ZNF320: variants seen among roughly 807,000 people sequenced by gnomAD.
ZNF320 encodes the protein zinc finger gene 320.
Under a neutral mutation model 6.8 loss-of-function variants are expected in ZNF320, and 2 were observed. That is an observed-to-expected ratio of 0.29 (90% CI 0.12 to 0.93). The LOEUF (loss-of-function observed/expected upper bound fraction) is 0.93, where lower values mean the gene tolerates loss of function less well. ZNF320 is among the 40% of genes least tolerant of loss of function. The pLI is 0.55. For synonymous variants in ZNF320, 208 were observed against 203.2 expected, an observed-to-expected ratio of 1.02 and a Z score of -0.20; for missense variants, 472 against 611.0, an observed-to-expected ratio of 0.77 and a Z score of 2.40.
chr19:52,873,360 G>A (rs1334655683), downstream of ZNF320, among the ~76,000 whole-genome samples: 1 of 152,176 alleles, frequency 6.6e-6, no homozygotes, highest in Non-Finnish European at 1.5e-5. Context: ...ATCAAGAATG[G>A]AGAATGGCGA....
At chr19:52,873,289 C>G (rs1179925434), downstream of ZNF320, among the ~76,000 whole-genome samples, 6 of 152,224 alleles carry the variant, frequency 3.9e-5, no homozygotes, top group Admixed American at 1.3e-4. Context: ...CTGGACAATA[C>G]CCAGGCTTTC....
chr19:52,887,109 G>C (rs2064116285), intron 5 of ZNF320, among the ~76,000 whole-genome samples: 2 of 152,160 alleles, frequency 1.3e-5, no homozygotes, highest in African/African-American at 2.4e-5. Context: ...TCTCAGGATT[G>C]AAACTTTTCT....
chr19:52,882,761 C>T (rs2063961915), intron 5 of ZNF320, among the ~76,000 whole-genome samples: 1 of 152,060 alleles, frequency 6.6e-6, no homozygotes, highest in Non-Finnish European at 1.5e-5. Flanking sequence ...GCCAACATGG[C>T]GAAGCCCTGT....
chr19:52,899,310 T>G (rs1423064608), upstream of ZNF320, among the ~76,000 whole-genome samples: 1 of 152,184 alleles, frequency 6.6e-6, no homozygotes, highest in Non-Finnish European at 1.5e-5. Flanking sequence ...TACGGGTACA[T>G]GTGTCAGTTT....
Position 52,880,152 on chromosome 19 carries a change from T to C in ZNF320, c.*444A>G, listed in dbSNP as rs45473393. ...TTTTAAGGACAGAAGATCGAGACCA[T>C]CCTAGCTAACACGGTGAAACCCAGT... On this transcript the variant is annotated 3_prime_UTR_variant, in exon 6 of 6. Transcript: ENST00000682928. The C allele has an allele frequency of 2.0e-5, 3 of 153,410 alleles. No homozygotes were observed. The highest frequency in any genetic ancestry group is 4.4e-5 in the Non-Finnish European group (3 of 68,942). The allele number at this position is 153,410 out of a possible 1,614,324, so 9.5% of individuals were successfully genotyped here. A position where few individuals can be genotyped will look rare whatever the true frequency, so the allele number is the denominator to read the frequency against.
At chr19:52,863,449 T>G (rs1171356474) in exon 6 of ZNF320, among the ~76,000 whole-genome samples, 2 of 151,520 alleles carry the variant, frequency 1.3e-5, no homozygotes, top group Non-Finnish European at 1.5e-5. Context: ...ATACAAAAAT[T>G]AGCTGGGCAT....
chr19:52,903,129 T>C, the ZNF320 span, among the ~76,000 whole-genome samples: 1 of 152,248 alleles, frequency 6.6e-6, no homozygotes, highest in Non-Finnish European at 1.5e-5. Flanking sequence ...TTTTAAATTA[T>C]ACATTTTTTG....
chr19:52,901,671 G>C (rs1336089281), upstream of ZNF320, among the ~76,000 whole-genome samples: 1 of 152,176 alleles, frequency 6.6e-6, no homozygotes, highest in East Asian at 1.9e-4. Context: ...CACAGAGCAA[G>C]CTTTGGTATC....
upstream of ZNF320, among the ~76,000 whole-genome samples, chr19:52,901,896 G>A (rs925169636): frequency 2.1e-5 from 3 of 144,310 alleles, no homozygotes; most frequent in African/African-American, 7.7e-5. Context: ...TACAGTCTGG[G>A]TTAAAACTTC....
At chr19:52,892,610 G>C (rs2064332054) in intron 2 of ZNF320, among the ~76,000 whole-genome samples, 1 of 151,984 alleles carries the variant, frequency 6.6e-6, no homozygotes, top group Admixed American at 6.6e-5. Context: ...AATTAGCCAG[G>C]CTCCATCTCC....
Position 52,881,102 on chromosome 19 carries a change from A to T in ZNF320, c.1024T>A (p.Ser342Thr). Residue 342 changes from serine (S) to threonine (T), a missense_variant, in exon 6 of 6, where the codon TCA (serine) becomes ACA (threonine). Physicochemically the swap from Ser to Thr is moderately conservative, Grantham distance 58 (BLOSUM62 1). Coordinates refer to ENST00000682928, the MANE Select transcript of ZNF320 (RefSeq NM_001351774.2). ...EECDKVFSRK[S>T]HLERHRRIHT... ...ATCCTCCTATGTCTTTCAAGATGTG[A>T]TTTGCGACTGAAAACTTTGTCGCAT... 1.2e-6 allele frequency: 2 copies of T among 1,614,050 alleles called. No homozygotes were observed. The highest frequency in any genetic ancestry group is 1.7e-5 in the Admixed American group (1 of 60,006).
intron 4 of ZNF320, among the ~76,000 whole-genome samples, chr19:52,889,009 C>T (rs922534506): frequency 5.3e-5 from 8 of 151,746 alleles, no homozygotes; most frequent in African/African-American, 1.9e-4. Context: ...CATGGTGAAA[C>T]CACATCTTAA....
intron 5 of ZNF320, among the ~76,000 whole-genome samples, chr19:52,887,507 C>T (rs192765852): frequency 3.7e-4 from 57 of 152,268 alleles, no homozygotes; most frequent in Admixed American, 1.2e-3. Context: ...ATGTGGACAT[C>T]GGGCTATCTT....
exon 6 of ZNF320, chr19:52,861,673 G>T (rs1210972543): frequency 4.3e-6 from 1 of 230,206 alleles, no homozygotes; most frequent in African/African-American, 2.4e-5. Context: ...TGAACTCAAT[G>T]TTAAATCAAC....
At chr19:52,882,324 A>G (rs939634320) in intron 5 of ZNF320, among the ~76,000 whole-genome samples, 2 of 152,240 alleles carry the variant, frequency 1.3e-5, no homozygotes, top group African/African-American at 2.4e-5. Flanking sequence ...GAAGAGAAAA[A>G]TATGTATTCT....
chr19:52,904,313 C>CT, the ZNF320 span: 2 of 152,252 alleles, frequency 1.3e-5, no homozygotes, highest in African/African-American at 4.8e-5. Context: ...CCTAAGCCAC[C>CT]TAAAGGGCTG....
At chr19:52,872,122 C>T (rs147080749), downstream of ZNF320, among the ~76,000 whole-genome samples, 78 of 152,286 alleles carry the variant, frequency 5.1e-4, 1 homozygote, top group East Asian at 0.014. Context: ...GAATTTGAGG[C>T]TGCTGTAAAC....
In ZNF320 at chr19:52,882,283, A is replaced by G. The variant is rs184640519; in HGVS notation, c.143-300T>C. Among the ~76,000 whole-genome samples the G allele has an allele frequency of 6.7e-3, 1,016 of 152,340 alleles. 4 individuals carry two copies. Among genetic ancestry groups the G allele is most frequent in the South Asian group, 0.013 (63 of 4,832 alleles). On this transcript the variant is annotated intron_variant, in intron 5 of 5. Transcript: ENST00000682928. ...ACTTTAATCCTAAGGGGTATCACAC[A>G]GTGCAAAAAATATATCACTGTCACA... is the stretch of plus-strand genomic sequence containing the variant.
intron 5 of ZNF320, among the ~76,000 whole-genome samples, chr19:52,882,678 C>T (rs1418013851): frequency 1.3e-5 from 2 of 152,116 alleles, no homozygotes; most frequent in Non-Finnish European, 2.9e-5. Flanking sequence ...GGTGGTGGCT[C>T]GCGCCTGTGA....
Sources: gnomAD v4.1 joint callset for allele counts (sites outside exome capture counted in the v4.1 genomes callset) on GRCh38, gnomAD v4.1.1 for gene constraint, MANE v1.5 for transcripts, NCBI Gene and HGNC (gene_info 2026-07-23, HGNC 2026-07-21) for gene names.